PDE11A: variants seen among roughly 807,000 people sequenced by gnomAD.
PDE11A encodes phosphodiesterase 11A.
Under a neutral mutation model 100.5 loss-of-function variants are expected in PDE11A, and 100 were observed. The ratio of observed to expected loss-of-function variants is 1.00; its 90% CI spans 0.85 to 1.18. The LOEUF (loss-of-function observed/expected upper bound fraction) is 1.18. Among genes scored for constraint, PDE11A ranks in the 50% most tolerant of loss-of-function variants. PDE11A has a pLI of 0.00. For synonymous variants in PDE11A, 381 were observed against 420.8 expected, an observed-to-expected ratio of 0.91 and a Z score of 1.16; for missense variants, 1,141 against 1,152.6, an observed-to-expected ratio of 0.99 and a Z score of 0.15.
chr2:177,695,549 A>G (rs1386963590), intron 15 of PDE11A, among the ~76,000 whole-genome samples: 1 of 152,158 alleles, frequency 6.6e-6, no homozygotes, highest in Non-Finnish European at 1.5e-5. Flanking sequence ...GTGCTTGGCT[A>G]TGGCCTACAG....
At chr2:177,910,683 G>C (rs1172444758) in intron 2 of PDE11A, among the ~76,000 whole-genome samples, 2 of 152,138 alleles carry the variant, frequency 1.3e-5, no homozygotes, top group African/African-American at 2.4e-5. Flanking sequence ...CACTCAGAAA[G>C]AGAGTTAAAC....
rs148762397 is a variant in PDE11A at position 178,099,197 on chromosome 2, G to A, written c.162+5105C>T. Among the ~76,000 whole-genome samples, 699 of 152,070 alleles carry A rather than the reference G, an allele frequency of 4.6e-3. 4 individuals carry two copies. Among genetic ancestry groups the A allele is most frequent in the African/African-American group, 0.016 (673 of 41,452 alleles). On this transcript the variant is annotated intron_variant, in intron 2 of 20. Transcript: ENST00000358450. ...TCCCAGCACTTTGGGAGGCCGAGGC[G>A]GGCAGATCACTTGAGGCCAGGATTT...
Position 177,905,170 on chromosome 2 carries a change from A to G in PDE11A, c.1089T>C (p.Leu363=). The G allele has an allele frequency of 1.2e-6, 2 of 1,600,146 alleles. No homozygotes were observed. Among genetic ancestry groups the G allele is most frequent in the South Asian group, 1.1e-5 (1 of 90,842 alleles). ...TAGATATGGCGATTCCACAAAATGG[A>G]AGATACATCTGCATAACCTGGGACA... The part of the protein sequence containing the change: ...EDDEKVMQMY[L]PFCGIAISNA... The change falls in exon 3 of 20, where the codon CTT becomes CTC. Residue 363 remains leucine, a synonymous_variant. Coordinates refer to ENST00000286063, the MANE Select transcript of PDE11A (RefSeq NM_016953.4).
At position 177,816,850 on chromosome 2, in the gene PDE11A, G is replaced by C. The variant is rs1204600532; in HGVS notation, c.1716C>G (p.Ala572=). ...IMYDQVKKSW[A]KQSVALDVLS... is the part of the protein sequence containing the mutation. Reference sequence around the variant, plus strand: ...TTACATCAAGAGCCACAGACTGCTTGGCCCAGGACTTCTTCACTTGATCAT... The same window carrying C: ...TTACATCAAGAGCCACAGACTGCTTCGCCCAGGACTTCTTCACTTGATCAT... The change falls in exon 9 of 20, where the codon GCC becomes GCG. Residue 572 remains alanine, a synonymous_variant. Transcript: ENST00000286063. 2.5e-6 allele frequency: 4 copies of C among 1,598,814 alleles called. No homozygotes were observed. In the South Asian group the frequency reaches 4.4e-5, roughly 18 times the overall value.
intron 10 of PDE11A, among the ~76,000 whole-genome samples, chr2:177,743,789 T>C (rs1485818938): frequency 1.3e-5 from 2 of 152,140 alleles, no homozygotes; most frequent in African/African-American, 4.8e-5. Context: ...AGTAAGAACT[T>C]GGACAGTTTT....
chr2:177,895,334 A>G (rs988367073), intron 4 of PDE11A, among the ~76,000 whole-genome samples: 3 of 152,086 alleles, frequency 2.0e-5, no homozygotes, highest in Admixed American at 1.3e-4. Context: ...GGGTGGATCA[A>G]CTGAGGTCAG....
intron 5 of PDE11A, among the ~76,000 whole-genome samples, chr2:177,841,195 T>C (rs77533854): frequency 0.011 from 1,744 of 152,310 alleles, 31 homozygotes; most frequent in African/African-American, 0.04. Flanking sequence ...CTCATTCTTC[T>C]CCTTTCCATC....
At chr2:177,774,615 T>C (rs2082354319) in intron 9 of PDE11A, among the ~76,000 whole-genome samples, 1 of 152,232 alleles carries the variant, frequency 6.6e-6, no homozygotes, top group Non-Finnish European at 1.5e-5. Context: ...AGTCTCTTCT[T>C]CAGTGATGCC....
At chr2:177,757,500 T>C (rs1401000407) in intron 10 of PDE11A, among the ~76,000 whole-genome samples, 1 of 152,198 alleles carries the variant, frequency 6.6e-6, no homozygotes, top group African/African-American at 2.4e-5. Flanking sequence ...TATTTGAAAA[T>C]GTATAATGAT....
intron 19 of PDE11A, among the ~76,000 whole-genome samples, chr2:177,642,333 T>C (rs1314716206): frequency 2.6e-5 from 4 of 152,192 alleles, no homozygotes; most frequent in Non-Finnish European, 5.9e-5. Flanking sequence ...GTTACCTACA[T>C]ACAAGGCTGA....
intron 9 of PDE11A, among the ~76,000 whole-genome samples, chr2:177,776,387 A>G (rs192441106): frequency 6.6e-6 from 1 of 152,334 alleles, no homozygotes; most frequent in Non-Finnish European, 1.5e-5. Flanking sequence ...ACGCTAAGCT[A>G]CATGCCAAAA....
intron 2 of PDE11A, among the ~76,000 whole-genome samples, chr2:177,994,970 T>C (rs777513931): frequency 4.5e-4 from 68 of 152,146 alleles, no homozygotes; most frequent in Non-Finnish European, 9.0e-4. Context: ...TGCACTATTG[T>C]CTTAGGAAAG....
At chr2:177,649,972 C>T (rs1284398355) in intron 19 of PDE11A, among the ~76,000 whole-genome samples, 1 of 152,246 alleles carries the variant, frequency 6.6e-6, no homozygotes, top group East Asian at 1.9e-4. Flanking sequence ...CTTACAAGTA[C>T]AGGGGCACAA....
At chr2:177,820,844 C>T (rs2083127346) in intron 6 of PDE11A, among the ~76,000 whole-genome samples, 1 of 124,800 alleles carries the variant, frequency 8.0e-6, no homozygotes, top group Non-Finnish European at 1.7e-5. Flanking sequence ...TATTTTCCTT[C>T]TGTACCCCAA....
At chr2:177,704,906 T>C (rs942194957) in intron 13 of PDE11A, among the ~76,000 whole-genome samples, 1 of 152,178 alleles carries the variant, frequency 6.6e-6, no homozygotes, top group East Asian at 1.9e-4. Context: ...AATGGCGCGA[T>C]GTTGGCTTAC....
At chr2:178,040,180 T>C (rs2086666558) in intron 1 of PDE11A, among the ~76,000 whole-genome samples, 1 of 148,900 alleles carries the variant, frequency 6.7e-6, no homozygotes, top group South Asian at 2.2e-4. Context: ...TTCTTCTGCC[T>C]CAGCCTCCTG....
Position 177,834,725 on chromosome 2 carries a change from A to G in PDE11A, c.1500+5526T>C, listed in dbSNP as rs1036856963. Among the ~76,000 whole-genome samples, 7 of 152,354 alleles carry G rather than the reference A, an allele frequency of 4.6e-5. No individual in the cohort carries two copies. In the South Asian group the frequency reaches 1.4e-3, roughly 32 times the overall value. ...TGATGAAGAAACCCATTGCATAAGA[A>G]TAAGAGGTTTCTCCCCCAGGAATCT... On this transcript the variant is annotated intron_variant, in intron 6 of 19. Coordinates refer to ENST00000286063, the MANE Select transcript of PDE11A (RefSeq NM_016953.4).
intron 2 of PDE11A, among the ~76,000 whole-genome samples, chr2:177,936,424 C>T (rs13411970): frequency 0.087 from 13,170 of 152,158 alleles, 543 homozygotes; most frequent in South Asian, 0.1. Flanking sequence ...GAACCAAGGC[C>T]AGAAAGCCAC....
At chr2:177,940,744 A>C (rs2105772450) in intron 2 of PDE11A, among the ~76,000 whole-genome samples, 1 of 152,352 alleles carries the variant, frequency 6.6e-6, no homozygotes, top group East Asian at 1.9e-4. Context: ...TCACTAAATT[A>C]AACAAAATCT....
Sources: allele counts gnomAD v4.1 joint callset (sites outside exome capture counted in the v4.1 genomes callset), GRCh38; gene constraint gnomAD v4.1.1; transcripts MANE v1.5; gene names NCBI Gene and HGNC (gene_info 2026-07-23, HGNC 2026-07-21).